The following MGMT variants were observed in gnomAD, a reference collection of about 807,000 sequenced individuals.
The protein encoded by MGMT is methylated-DNA--protein-cysteine methyltransferase.
MGMT carries 14 observed loss-of-function variants against 15.9 expected under a neutral mutation model. That is an observed-to-expected ratio of 0.88 (90% CI 0.58 to 1.37). The LOEUF is 1.37. MGMT is among the 40% of genes most tolerant of loss of function. MGMT has a pLI of 0.00. For synonymous variants in MGMT, 130 were observed against 118.2 expected (o/e 1.10, Z -0.65); for missense variants, 282 against 268.1 (o/e 1.05, Z -0.36).
chr10:129,738,202 C>T (rs980040133), intron 3 of MGMT, among the ~76,000 whole-genome samples: 2 of 152,194 alleles, frequency 1.3e-5, no homozygotes, highest in Non-Finnish European at 2.9e-5. Flanking sequence ...TAGCAATCAG[C>T]GAGACTCCGT....
intron 2 of MGMT, among the ~76,000 whole-genome samples, chr10:129,648,137 A>G (rs551412369): frequency 6.6e-6 from 1 of 152,334 alleles, no homozygotes; most frequent in African/African-American, 2.4e-5. Context: ...ACAATACAAT[A>G]TTAGAAACAC....
intron 3 of MGMT, among the ~76,000 whole-genome samples, chr10:129,752,959 T>C (rs1250619133): frequency 2.0e-5 from 3 of 152,160 alleles, no homozygotes; most frequent in African/African-American, 7.2e-5. Flanking sequence ...TAACCATCAT[T>C]TCCCTTTTTT....
At chr10:129,708,656 GA>G (rs1848196000) in intron 3 of MGMT, among the ~76,000 whole-genome samples, 1 of 152,174 alleles carries the variant, frequency 6.6e-6, no homozygotes, top group Non-Finnish European at 1.5e-5. Context: ...GCTCAATACA[GA>G]AATTAATTAC....
At chr10:129,578,525 G>A (rs1055891818) in intron 2 of MGMT, among the ~76,000 whole-genome samples, 4 of 150,966 alleles carry the variant, frequency 2.6e-5, no homozygotes, top group African/African-American at 7.3e-5. Context: ...ACACACTGGG[G>A]ACTGTTGTGG....
intron 2 of MGMT, among the ~76,000 whole-genome samples, chr10:129,555,084 G>A (rs771893233): frequency 3.9e-5 from 6 of 152,332 alleles, no homozygotes; most frequent in Middle Eastern, 3.4e-3. Flanking sequence ...AACTGCTGCC[G>A]TTGATGAGGA....
chr10:129,723,103 A>G (rs952897201), intron 3 of MGMT, among the ~76,000 whole-genome samples: 4 of 150,684 alleles, frequency 2.7e-5, no homozygotes, highest in Non-Finnish European at 5.9e-5. Context: ...GATCACTTTA[A>G]TGGTTAGAAA....
intron 2 of MGMT, among the ~76,000 whole-genome samples, chr10:129,593,483 C>A (rs184840043): frequency 2.0e-5 from 3 of 152,196 alleles, no homozygotes; most frequent in Admixed American, 6.5e-5. Flanking sequence ...TGAGAGGGAG[C>A]CCCTGGCTTC....
Position 129,766,998 on chromosome 10 carries a change from G to A in MGMT, c.*1G>A, listed in dbSNP as rs1242170497. ...CTCCCCGCCTGCTGGCCGAAACTGA[G>A]TATGTGCAGTAGGATGGATGTTTGA... is the stretch of plus-strand genomic sequence containing the variant. On this transcript the variant is annotated 3_prime_UTR_variant, in exon 5 of 5. Transcript: ENST00000651593. 1.9e-6 allele frequency: 3 copies of A among 1,594,172 alleles called. No homozygotes were observed.
chr10:129,638,634 T>C (rs1329130827), intron 2 of MGMT, among the ~76,000 whole-genome samples: 1 of 152,024 alleles, frequency 6.6e-6, no homozygotes, highest in African/African-American at 2.4e-5. Flanking sequence ...TTCAGCGTAT[T>C]AAAGGAAAAT....
At chr10:129,526,628 G>A (rs1454191638) in intron 1 of MGMT, among the ~76,000 whole-genome samples, 2 of 152,152 alleles carry the variant, frequency 1.3e-5, no homozygotes, top group East Asian at 1.9e-4. Context: ...TGGATAGGTC[G>A]GACCGCAGGT....
At chr10:129,724,390 G>A (rs1848409265) in intron 3 of MGMT, among the ~76,000 whole-genome samples, 1 of 152,186 alleles carries the variant, frequency 6.6e-6, no homozygotes. Context: ...GGGTTGTGCA[G>A]GCAGTGAGAA....
chr10:129,496,803 C>T (rs1845526345), intron 1 of MGMT, among the ~76,000 whole-genome samples: 1 of 152,132 alleles, frequency 6.6e-6, no homozygotes, highest in South Asian at 2.1e-4. Flanking sequence ...TTAATTACTA[C>T]ACTTTAAAAG....
intron 1 of MGMT, among the ~76,000 whole-genome samples, chr10:129,500,527 A>G (rs1309023254): frequency 6.6e-5 from 10 of 152,148 alleles, no homozygotes; most frequent in Admixed American, 6.5e-4. Flanking sequence ...GGGTTATTGT[A>G]AGGATTGATT....
intron 2 of MGMT, among the ~76,000 whole-genome samples, chr10:129,634,390 A>C (rs574274793): frequency 3.3e-5 from 5 of 152,196 alleles, no homozygotes; most frequent in African/African-American, 2.4e-5. Flanking sequence ...GTTTGCATCA[A>C]ATTGGAAAAT....
At chr10:129,655,690 A>G (rs774511212) in intron 2 of MGMT, among the ~76,000 whole-genome samples, 1 of 152,230 alleles carries the variant, frequency 6.6e-6, no homozygotes, top group Non-Finnish European at 1.5e-5. Flanking sequence ...ACTGTTTAAC[A>G]GTGAAGGCAG....
chr10:129,520,191 G>A (rs1845787524), intron 1 of MGMT, among the ~76,000 whole-genome samples: 1 of 152,142 alleles, frequency 6.6e-6, no homozygotes, highest in African/African-American at 2.4e-5. Flanking sequence ...TTCAGATCAG[G>A]ATGGCAAATG....
chr10:129,520,764 C>T (rs1028856867), intron 1 of MGMT, among the ~76,000 whole-genome samples: 2 of 151,104 alleles, frequency 1.3e-5, no homozygotes, highest in African/African-American at 4.9e-5. Context: ...GGTGCAGAAC[C>T]CCTAAGGTGT....
At chr10:129,530,624 G>A (rs1845920443) in intron 1 of MGMT, among the ~76,000 whole-genome samples, 1 of 152,226 alleles carries the variant, frequency 6.6e-6, no homozygotes. Context: ...TTCTGGACCA[G>A]TCTTGACAGA....
At chr10:129,564,637 CTCTGCTTCCTCA>C in intron 2 of MGMT, among the ~76,000 whole-genome samples, 2 of 101,554 alleles carry the variant, frequency 2.0e-5, no homozygotes, top group Non-Finnish European at 4.4e-5. Flanking sequence ...GCTTCCCCTC[CTCTGCTTCCTCA>C]CCCTCCTCTC....
Sources: gnomAD v4.1 joint callset for allele counts (sites outside exome capture counted in the v4.1 genomes callset) on GRCh38, gnomAD v4.1.1 for gene constraint, MANE v1.5 for transcripts, NCBI Gene and HGNC (gene_info 2026-07-23, HGNC 2026-07-21) for gene names.